Variants in USP44 observed in about 807,000 individuals in gnomAD.
USP44 encodes ubiquitin specific peptidase 44.
A neutral mutation model predicts 69.0 loss-of-function variants in USP44; 61 were observed. The ratio of observed to expected loss-of-function variants is 0.88; its 90% CI spans 0.72 to 1.09. The LOEUF is 1.09. USP44 is among the 50% of genes least tolerant of loss of function. USP44 has a pLI of 0.00. For synonymous variants in USP44, 297 were observed against 295.4 expected (o/e 1.01, Z -0.06); for missense variants, 753 against 849.9 (o/e 0.89, Z 1.42).
intron 3 of USP44, among the ~76,000 whole-genome samples, chr12:95,525,844 C>T (rs764335609): frequency 1.8e-4 from 28 of 152,274 alleles, no homozygotes; most frequent in East Asian, 1.9e-4. Context: ...ACACCAGCTC[C>T]GACTCCAGCC....
intron 1 of USP44, among the ~76,000 whole-genome samples, chr12:95,544,047 T>A (rs1220213829): frequency 1.6e-5 from 2 of 127,620 alleles, no homozygotes; most frequent in African/African-American, 6.2e-5. Context: ...ATTTTAGTTA[T>A]CTTTTTTTTT....
intron 3 of USP44, among the ~76,000 whole-genome samples, chr12:95,526,062 A>G (rs1477215849): frequency 6.6e-6 from 1 of 152,226 alleles, no homozygotes; most frequent in African/African-American, 2.4e-5. Context: ...TCCTCGGCAT[A>G]TAATTGTAAA....
In USP44 at chr12:95,533,110, G is replaced by A; in HGVS notation, c.1147C>T (p.His383Tyr). The change falls in exon 2 of 6, where the codon CAT becomes TAT. Residue 383 changes from histidine (H) to tyrosine (Y), a missense_variant. Coordinates refer to ENST00000258499, the MANE Select transcript of USP44 (RefSeq NM_032147.5). The stretch of plus-strand genomic sequence containing the variant: ...ACTTGGAACAAAGTATGCAATTCAT[G>A]ACAAAGAGAAATGTACTGTGAAGTT... ...EPTSQYISLC[H>Y]ELHTLFQVMW... 6.2e-7 allele frequency: 1 copy of A among 1,614,188 alleles called. No homozygotes were observed. The highest frequency in any genetic ancestry group is 8.5e-7 in the Non-Finnish European group (1 of 1,180,040).
At chr12:95,519,432 ATTTT>A (rs60940181) in intron 5 of USP44, among the ~76,000 whole-genome samples, 1 of 84,544 alleles carries the variant, frequency 1.2e-5, no homozygotes, top group East Asian at 3.5e-4. Context: ...CTCAATCTGT[ATTTT>A]TTTTTTTTTT....
At chr12:95,545,575 A>T (rs1182931622) in intron 1 of USP44, among the ~76,000 whole-genome samples, 2 of 152,196 alleles carry the variant, frequency 1.3e-5, no homozygotes, top group African/African-American at 4.8e-5. Flanking sequence ...ATTAGGGTAA[A>T]TCTTACCCAC....
At chr12:95,529,450 G>A (rs2076952596) in intron 2 of USP44, among the ~76,000 whole-genome samples, 1 of 150,928 alleles carries the variant, frequency 6.6e-6, no homozygotes, top group South Asian at 2.1e-4. Context: ...TTGAGATGGA[G>A]TCTCGCTCTG....
chr12:95,529,052 A>G (rs759167010), intron 2 of USP44, 50 bp from the exon 3 acceptor site: 22 of 1,488,598 alleles, frequency 1.5e-5, no homozygotes, highest in African/African-American at 2.8e-5. Flanking sequence ...CCATCAAAAC[A>G]TTAACTCTTT....
chr12:95,541,901 A>G (rs2077403373), intron 1 of USP44, among the ~76,000 whole-genome samples: 1 of 133,118 alleles, frequency 7.5e-6, no homozygotes, highest in Admixed American at 8.0e-5. Context: ...TTTTTTTGAG[A>G]CAGGGTCTTG....
rs552928754 is a variant in USP44, at chr12:95,539,221, CT to C, written c.-70-4896del. ...CCAGTGTGACTTGTCAATGAAATGG[CT>C]TTTTTTTTTGTTTTTTTTTTTGAGA... is the stretch of plus-strand genomic sequence containing the variant. On this transcript the variant is annotated intron_variant, in intron 1 of 5. Coordinates refer to ENST00000258499, the MANE Select transcript of USP44 (RefSeq NM_032147.5). Among the ~76,000 whole-genome samples the C allele has an allele frequency of 9.5e-4, 136 of 143,338 alleles. 1 individual carries two copies. Among genetic ancestry groups the C allele is most frequent in the Non-Finnish European group, 1.7e-3 (109 of 65,256 alleles). The allele number at this position is 143,338 out of a possible 152,430, so 94.0% of individuals were successfully genotyped here.
intron 1 of USP44, among the ~76,000 whole-genome samples, chr12:95,539,799 A>G (rs2077330283): frequency 6.6e-6 from 1 of 152,236 alleles, no homozygotes; most frequent in Non-Finnish European, 1.5e-5. Flanking sequence ...ATATCATTGA[A>G]GCACTTATTA....
chr12:95,548,537 AG>A lies in USP44; in HGVS notation c.-71+2734del. ...GCCGCAGAACCCACCGAAACTTCCC[AG>A]GGGGGCAATTCAAAATTCGCCGGAC... On this transcript the variant is annotated intron_variant, in intron 1 of 5. Transcript: ENST00000258499. The surrounding 1 kb of genome is among the most constrained non-coding windows in gnomAD (Gnocchi z 4.1). The A allele has an allele frequency of 6.6e-6, 1 of 152,360 alleles. No individual in the cohort carries two copies. The highest frequency in any genetic ancestry group is 1.5e-5 in the Non-Finnish European group (1 of 68,324). 9.4% of individuals were successfully genotyped at this position (152,360 alleles called of 1,614,324 possible).
Position 95,533,997 on chromosome 12 carries a change from A to G in USP44, c.260T>C (p.Leu87Pro). 4 of 1,614,198 alleles carry G rather than the reference A, an allele frequency of 2.5e-6. No homozygotes were observed. Among genetic ancestry groups the G allele is most frequent in the Non-Finnish European group, 3.4e-6 (4 of 1,180,022 alleles). ...VFCYLCDDYV[L>P]NDNTTGDLKL... ...CAGGTCTCCAGTTGTGTTATCATTCAGAACATAATCATCACAAAGGTAACA... is the reference window on the plus strand; with the variant it reads ...CAGGTCTCCAGTTGTGTTATCATTCGGAACATAATCATCACAAAGGTAACA... The change falls in exon 2 of 6, where the codon CTG (leucine) becomes CCG (proline). Residue 87 changes from leucine to proline, a missense_variant. Coordinates refer to ENST00000258499, the MANE Select transcript of USP44 (RefSeq NM_032147.5).
rs2077083362 is a variant in USP44, at chr12:95,533,263, A to G, written c.994T>C (p.Tyr332His). Residue 332 changes from tyrosine (Y) to histidine (H), a missense_variant, in exon 2 of 6, where the codon TAT becomes CAT. Coordinates refer to ENST00000258499, the MANE Select transcript of USP44 (RefSeq NM_032147.5). ...KHPPVTDTVVYQMNECQEKDT... is the reference protein window; with the variant it reads ...KHPPVTDTVVHQMNECQEKDT... ...TTTTCCTGACATTCATTCATTTGAT[A>G]TACTACTGTATCTGTGACTGGTGGA... 1 of 1,614,160 alleles carries G rather than the reference A, an allele frequency of 6.2e-7. No homozygotes were observed. The highest frequency in any genetic ancestry group is 8.5e-7 in the Non-Finnish European group (1 of 1,180,042).
chr12:95,544,709 T>C (rs1369650275), intron 1 of USP44, among the ~76,000 whole-genome samples: 1 of 152,162 alleles, frequency 6.6e-6, no homozygotes, highest in Non-Finnish European at 1.5e-5. Flanking sequence ...AGAATTAGTC[T>C]ATACATCTGT....
intron 1 of USP44, chr12:95,547,099 T>C (rs1255252383): frequency 1.3e-5 from 2 of 152,202 alleles, no homozygotes; most frequent in Admixed American, 1.3e-4. Context: ...TACCATTGTA[T>C]ATTATACTAA....
At chr12:95,545,565 A>T (rs1314679627) in intron 1 of USP44, among the ~76,000 whole-genome samples, 2 of 152,228 alleles carry the variant, frequency 1.3e-5, no homozygotes, top group Admixed American at 6.5e-5. Flanking sequence ...GTTTGCAGTA[A>T]TTAGGGTAAA....
chr12:95,540,546 T>C (rs1555203527), intron 1 of USP44, among the ~76,000 whole-genome samples: 1 of 152,126 alleles, frequency 6.6e-6, no homozygotes, highest in Non-Finnish European at 1.5e-5. Flanking sequence ...TTCACCGTGT[T>C]GGCCAGGCTG....
At chr12:95,525,016 T>A (rs768378774) in intron 3 of USP44, among the ~76,000 whole-genome samples, 1 of 152,230 alleles carries the variant, frequency 6.6e-6, no homozygotes, top group African/African-American at 2.4e-5. Context: ...ATCAAGTACA[T>A]GATTTAATAA....
At position 95,533,181 on chromosome 12, in the gene USP44, C is replaced by T. The variant is rs2077079604; in HGVS notation, c.1076G>A (p.Gly359Glu). ...TTCCATCTTTCTACCTTTTGATGCT[C>T]CACCACTTAGTCCTGATGACAGACT... ...QSSLSSGLSG[G>E]ASKGRKMELI... The change falls in exon 2 of 6, where the codon GGA becomes GAA. Residue 359 changes from glycine (G) to glutamate (E), a missense_variant. Gly to Glu is a moderately conservative substitution (Grantham distance 98, BLOSUM62 -2). Transcript: ENST00000258499. 1 of 1,614,142 alleles carries T rather than the reference C, an allele frequency of 6.2e-7. No homozygotes were observed. The highest frequency in any genetic ancestry group is 8.5e-7 in the Non-Finnish European group (1 of 1,180,042).
Sources: allele counts gnomAD v4.1 joint callset (sites outside exome capture counted in the v4.1 genomes callset), GRCh38; gene constraint gnomAD v4.1.1; non-coding constraint Gnocchi (gnomAD v3.1); transcripts MANE v1.5; gene names NCBI Gene and HGNC (gene_info 2026-07-23, HGNC 2026-07-21).